Variants in NOX4 observed in about 807,000 individuals in gnomAD.
The protein encoded by NOX4 is kidney oxidase-1.
In NOX4, 69 loss-of-function variants were observed where a neutral mutation model predicts 87.6. That is an observed-to-expected ratio of 0.79 (90% CI 0.65 to 0.96). The LOEUF is 0.96. Ranked by LOEUF, NOX4 falls within the 40% of genes least tolerant of loss-of-function variation. NOX4 has a pLI of 0.00. For missense variants in NOX4, 680 were observed against 681.5 expected (o/e 1.00, Z 0.02); for synonymous variants, 275 against 238.2 (o/e 1.15, Z -1.42).
At chr11:89,581,796 G>A in the NOX4 span, among the ~76,000 whole-genome samples, 1 of 152,038 alleles carries the variant, frequency 6.6e-6, no homozygotes, top group Non-Finnish European at 1.5e-5. Context: ...ATAAAATCAT[G>A]ACCACAATCT....
chr11:89,460,753 T>C (rs1406837892), intron 2 of NOX4, among the ~76,000 whole-genome samples: 1 of 152,182 alleles, frequency 6.6e-6, no homozygotes, highest in Non-Finnish European at 1.5e-5. Flanking sequence ...AGTGTGGTGA[T>C]TCCTCAGGGA....
At chr11:89,392,607 A>C (rs1941207242) in intron 11 of NOX4, among the ~76,000 whole-genome samples, 1 of 152,194 alleles carries the variant, frequency 6.6e-6, no homozygotes, top group South Asian at 2.1e-4. Context: ...GGCTATCCTC[A>C]TGTCATTTTA....
At chr11:89,552,272 G>T in the NOX4 span, among the ~76,000 whole-genome samples, 1 of 152,138 alleles carries the variant, frequency 6.6e-6, no homozygotes, top group Non-Finnish European at 1.5e-5. Flanking sequence ...TCCAATGTCA[G>T]ATCTGGGACT....
chr11:89,384,733 G>A (rs1009883644), intron 11 of NOX4, among the ~76,000 whole-genome samples: 38 of 151,988 alleles, frequency 2.5e-4, no homozygotes, highest in African/African-American at 8.7e-4. Flanking sequence ...ATTACACACA[G>A]CCAAAGTACA....
chr11:89,549,898 T>C, the NOX4 span, among the ~76,000 whole-genome samples: 2 of 152,242 alleles, frequency 1.3e-5, no homozygotes, highest in South Asian at 2.1e-4. Context: ...CAGTCTATCA[T>C]TGATGGGCAT....
rs369024514 is a variant in NOX4, at chr11:89,448,218, A to AAACAAC, written c.349+1216_349+1221dup. 1.5e-4 allele frequency among the ~76,000 whole-genome samples: 23 copies of AAACAAC among 152,196 alleles called. No homozygotes were observed. In the South Asian group the frequency reaches 4.6e-3, roughly 30 times the overall value. On this transcript the variant is annotated intron_variant, in intron 4 of 17. Transcript: ENST00000263317. ...TGCTGTCAATCCATTTTACAGTTAA[A>AAACAAC]AACAACAACAACAACAACAGCAAAT...
the NOX4 span, among the ~76,000 whole-genome samples, chr11:89,540,892 G>A: frequency 6.9e-6 from 1 of 145,262 alleles, no homozygotes; most frequent in African/African-American, 2.5e-5. Context: ...CTCTACCTGA[G>A]GTCCTTTCTG....
chr11:89,561,768 G>C, the NOX4 span, among the ~76,000 whole-genome samples: 1 of 152,076 alleles, frequency 6.6e-6, no homozygotes, highest in Admixed American at 6.6e-5. Flanking sequence ...CGTGGGGGAG[G>C]CTGGCCGCAA....
At chr11:89,443,518 C>A (rs1944548905) in intron 5 of NOX4, 2 of 152,428 alleles carry the variant, frequency 1.3e-5, no homozygotes, top group Admixed American at 6.5e-5. Context: ...AGAGACCTAA[C>A]TGGCTGAGCA....
the NOX4 span, among the ~76,000 whole-genome samples, chr11:89,585,529 G>A: frequency 1.3e-5 from 2 of 152,126 alleles, no homozygotes; most frequent in African/African-American, 4.8e-5. Flanking sequence ...GGTTTTTGCT[G>A]CAATTAATCA....
chr11:89,558,325 T>C, the NOX4 span, among the ~76,000 whole-genome samples: 2 of 152,120 alleles, frequency 1.3e-5, no homozygotes, highest in African/African-American at 4.8e-5. Context: ...TGCAGAAAGA[T>C]TAATTACATT....
At chr11:89,423,888 T>C (rs939292283) in intron 7 of NOX4, among the ~76,000 whole-genome samples, 3 of 151,622 alleles carry the variant, frequency 2.0e-5, no homozygotes, top group East Asian at 3.9e-4. Flanking sequence ...ACCTTGACCT[T>C]ACGAAAAAAT....
intron 2 of NOX4, among the ~76,000 whole-genome samples, chr11:89,455,949 T>C (rs972090051): frequency 4.0e-5 from 6 of 151,884 alleles, no homozygotes; most frequent in Non-Finnish European, 7.4e-5. Context: ...GAAGAGGCAA[T>C]GGTTAACAGG....
At chr11:89,496,805 G>A (rs368570876), upstream of NOX4, among the ~76,000 whole-genome samples, 117 of 152,236 alleles carry the variant, frequency 7.7e-4, 2 homozygotes, top group South Asian at 0.023. Flanking sequence ...GTTTCTCTCT[G>A]TCATTTCACA....
At chr11:89,472,635 G>C (rs1262999132) in intron 2 of NOX4, among the ~76,000 whole-genome samples, 1 of 152,134 alleles carries the variant, frequency 6.6e-6, no homozygotes, top group African/African-American at 2.4e-5. Context: ...AGGACACATA[G>C]CTATTACAGA....
At chr11:89,516,217 A>G in the NOX4 span, among the ~76,000 whole-genome samples, 2 of 152,102 alleles carry the variant, frequency 1.3e-5, no homozygotes, top group East Asian at 3.9e-4. Context: ...CATGTATTGC[A>G]TCTACATACA....
At chr11:89,485,793 T>C (rs561579474) in intron 2 of NOX4, among the ~76,000 whole-genome samples, 4 of 152,326 alleles carry the variant, frequency 2.6e-5, no homozygotes, top group African/African-American at 9.6e-5. Flanking sequence ...TTTGTTGGTT[T>C]GCTTGTTTCG....
At chr11:89,329,369 A>AG (rs1945364343) in intron 17 of NOX4, among the ~76,000 whole-genome samples, 1 of 137,602 alleles carries the variant, frequency 7.3e-6, no homozygotes, top group Non-Finnish European at 1.5e-5. Context: ...AAAAAAAAAA[A>AG]AAAAAAGAAC....
chr11:89,444,398 A>T (rs572229309), intron 4 of NOX4, among the ~76,000 whole-genome samples, 166 bp from the exon 5 acceptor site: 2 of 151,904 alleles, frequency 1.3e-5, no homozygotes, highest in Admixed American at 1.3e-4. Context: ...AAAAAACTGA[A>T]CTATAGACAG....
Sources: gnomAD v4.1 joint callset for allele counts (sites outside exome capture counted in the v4.1 genomes callset) on GRCh38, gnomAD v4.1.1 for gene constraint, MANE v1.5 for transcripts, NCBI Gene and HGNC (gene_info 2026-07-23, HGNC 2026-07-21) for gene names.